FOXO1: variants seen among roughly 807,000 people sequenced by gnomAD.
FOXO1 encodes the protein forkhead box O1, also known as forkhead box protein O1.
In FOXO1, 6 loss-of-function variants were observed where a neutral mutation model predicts 44.1. That is an observed-to-expected ratio of 0.14 (90% CI 0.07 to 0.27). The LOEUF is 0.27. Among genes scored for constraint, FOXO1 ranks in the 10% least tolerant of loss-of-function variants. The probability of loss-of-function intolerance (pLI) is 1.00; values close to 1 mark genes in which losing one functional copy is unlikely to be tolerated. For missense variants in FOXO1, 737 were observed against 888.8 expected (o/e 0.83, Z 2.17); for synonymous variants, 380 against 362.7 (o/e 1.05, Z -0.54).
chr13:40,658,144 T>C (rs1437274103), intron 1 of FOXO1, among the ~76,000 whole-genome samples: 2 of 152,118 alleles, frequency 1.3e-5, no homozygotes, highest in African/African-American at 2.4e-5. Context: ...AGATTGGAAG[T>C]TGGTGAACTG....
intron 1 of FOXO1, chr13:40,562,724 G>A (rs940403726): frequency 2.0e-5 from 3 of 152,406 alleles, no homozygotes; most frequent in Admixed American, 6.5e-5. Flanking sequence ...GGGGCCAGAG[G>A]TGGTCTCTCC....
chr13:40,631,194 T>C (rs1321484579), intron 1 of FOXO1, among the ~76,000 whole-genome samples: 1 of 152,124 alleles, frequency 6.6e-6, no homozygotes, highest in African/African-American at 2.4e-5. Context: ...CTGCGAAAAG[T>C]ATTTATGCTG....
In FOXO1 at chr13:40,665,592, C is replaced by T. The variant is rs1878204658; in HGVS notation, c.621G>A (p.Ala207=). 3 of 1,429,842 alleles carry T rather than the reference C, an allele frequency of 2.1e-6. No homozygotes were observed. Among genetic ancestry groups the T allele is most frequent in the Admixed American group, 2.3e-5 (1 of 43,310 alleles). 88.6% of individuals were successfully genotyped at this position (1,429,842 alleles called of 1,614,324 possible). Residue 207 remains alanine, a synonymous_variant, in exon 1 of 3, where the codon GCG becomes GCA. Coordinates refer to ENST00000379561, the MANE Select transcript of FOXO1 (RefSeq NM_002015.4). The part of the protein sequence containing the change: ...FKDKGDSNSS[A]GWKNSIRHNL... ...CGCCGAGTCCACTCACCTTCCAGCC[C>T]GCCGAGCTGTTGCTGTCACCCTTAT...
At chr13:40,577,910 A>C (rs75176161) in intron 1 of FOXO1, among the ~76,000 whole-genome samples, 1 of 152,290 alleles carries the variant, frequency 6.6e-6, no homozygotes, top group East Asian at 1.9e-4. Context: ...TCAATGCAAA[A>C]TAATTTATCC....
intron 1 of FOXO1, among the ~76,000 whole-genome samples, chr13:40,659,616 T>A (rs1331335478): frequency 6.6e-6 from 1 of 151,866 alleles, no homozygotes; most frequent in Admixed American, 6.6e-5. Flanking sequence ...TGACTTAATA[T>A]CAAAACTAAC....
At position 40,665,752 on chromosome 13, in the gene FOXO1, G is replaced by A. The variant is rs1290398156; in HGVS notation, c.461C>T (p.Ser154Leu). 3 of 1,409,148 alleles carry A rather than the reference G, an allele frequency of 2.1e-6. No individual in the cohort carries two copies. Among genetic ancestry groups the A allele is most frequent in the Admixed American group, 2.4e-5 (1 of 41,766 alleles). 87.3% of individuals were successfully genotyped at this position (1,409,148 alleles called of 1,614,324 possible). ...GTTGCCCCACGCGTTGCGGCGGGAC[G>A]AGCTGCTCTTGCGCGGCTGCCCCGC... ...PLAGQPRKSS[S>L]SRRNAWGNLS... The change falls in exon 1 of 3, where the codon TCG becomes TTG. Residue 154 changes from serine to leucine, a missense_variant. Ser to Leu is a moderately radical substitution (Grantham distance 145, BLOSUM62 -2). Around this residue, in one of 7 missense-constraint regions of FOXO1, gnomAD observed 213 missense variants for 236.4 expected, o/e 0.90. Coordinates refer to ENST00000379561, the MANE Select transcript of FOXO1 (RefSeq NM_002015.4).
At chr13:40,651,201 A>C (rs1877676554) in intron 1 of FOXO1, among the ~76,000 whole-genome samples, 2 of 151,818 alleles carry the variant, frequency 1.3e-5, no homozygotes, top group Admixed American at 1.3e-4. Context: ...AGCCTTGCGA[A>C]TAGACAAGAC....
chr13:40,600,300 C>A (rs55733884), intron 1 of FOXO1, among the ~76,000 whole-genome samples: 9 of 152,198 alleles, frequency 5.9e-5, no homozygotes, highest in Non-Finnish European at 1.3e-4. Context: ...GGAATTAAAT[C>A]GGCCTCCAGA....
At chr13:40,641,585 T>C (rs1420935835) in intron 1 of FOXO1, among the ~76,000 whole-genome samples, 1 of 152,180 alleles carries the variant, frequency 6.6e-6, no homozygotes, top group Non-Finnish European at 1.5e-5. Context: ...CTTTAGTATT[T>C]CCAGTTTCAA....
intron 1 of FOXO1, among the ~76,000 whole-genome samples, chr13:40,630,664 G>A (rs1319325648): frequency 1.3e-5 from 2 of 150,426 alleles, no homozygotes; most frequent in African/African-American, 4.9e-5. Context: ...AAAAAAAAAA[G>A]GAAAAACCAG....
At chr13:40,663,346 T>C (rs995275163) in intron 1 of FOXO1, among the ~76,000 whole-genome samples, 1 of 152,272 alleles carries the variant, frequency 6.6e-6, no homozygotes, top group Non-Finnish European at 1.5e-5. Context: ...AGCATATTCC[T>C]AGTTTAAGAC....
At chr13:40,597,234 G>A (rs1400040361) in intron 1 of FOXO1, among the ~76,000 whole-genome samples, 1 of 152,166 alleles carries the variant, frequency 6.6e-6, no homozygotes, top group Non-Finnish European at 1.5e-5. Context: ...CATAACCCCA[G>A]AATGTATTAG....
intron 1 of FOXO1, among the ~76,000 whole-genome samples, chr13:40,596,861 C>A (rs1486994382): frequency 6.6e-6 from 1 of 152,196 alleles, no homozygotes; most frequent in African/African-American, 2.4e-5. Context: ...CCATTCTCTC[C>A]ACTGTCCCCA....
At chr13:40,573,886 G>C (rs1427095548) in intron 1 of FOXO1, among the ~76,000 whole-genome samples, 1 of 152,208 alleles carries the variant, frequency 6.6e-6, no homozygotes, top group African/African-American at 2.4e-5. Context: ...CAGAAGGAAT[G>C]AATGATTAAA....
In FOXO1 at chr13:40,559,700, C is replaced by A. The variant is rs773141065; in HGVS notation, c.1791G>T (p.Lys597Asn). The A allele has an allele frequency of 1.2e-6, 2 of 1,614,170 alleles. No individual in the cohort carries two copies. The highest frequency in any genetic ancestry group is 2.2e-5 in the South Asian group (2 of 91,076). The change falls in exon 2 of 3, where the codon AAG (lysine) becomes AAT (asparagine). Residue 597 changes from lysine to asparagine, a missense_variant. Lys to Asn is a moderately conservative substitution (Grantham distance 94). Around this residue, in one of 7 missense-constraint regions of FOXO1, gnomAD observed 45 missense variants for 78.3 expected, o/e 0.57. Transcript: ENST00000379561. Reference protein sequence around the residue: ...YGRMGLLHQEKLPSDLDGMFI... With the variant: ...YGRMGLLHQENLPSDLDGMFI... ...ACATGCCATCCAAGTCACTTGGGAGCTTCTCCTGGTGGAGAAGGCCCATTC... is the reference window on the plus strand; with the variant it reads ...ACATGCCATCCAAGTCACTTGGGAGATTCTCCTGGTGGAGAAGGCCCATTC...
intron 1 of FOXO1, among the ~76,000 whole-genome samples, chr13:40,663,587 G>A (rs1878117271): frequency 6.6e-6 from 1 of 152,166 alleles, no homozygotes; most frequent in Non-Finnish European, 1.5e-5. Context: ...AGATGAGCAA[G>A]TAAGTCAAGT....
intron 1 of FOXO1, among the ~76,000 whole-genome samples, chr13:40,595,310 G>A (rs1356844151): frequency 6.6e-6 from 1 of 152,114 alleles, no homozygotes; most frequent in Non-Finnish European, 1.5e-5. Flanking sequence ...AAGTTGGAGG[G>A]GGACTGAGTA....
intron 1 of FOXO1, among the ~76,000 whole-genome samples, chr13:40,656,546 T>C (rs2137939896): frequency 6.6e-6 from 1 of 152,354 alleles, no homozygotes; most frequent in African/African-American, 2.4e-5. Flanking sequence ...AATTACATAA[T>C]CTGTTCTATG....
chr13:40,626,984 T>C (rs1293432967), intron 1 of FOXO1, among the ~76,000 whole-genome samples: 1 of 152,248 alleles, frequency 6.6e-6, no homozygotes, highest in Non-Finnish European at 1.5e-5. Flanking sequence ...AAGAAATGTA[T>C]GCATAACAAT....
Sources: allele counts gnomAD v4.1 joint callset (sites outside exome capture counted in the v4.1 genomes callset), GRCh38; gene constraint gnomAD v4.1.1; regional missense constraint gnomAD v4.1.1; transcripts MANE v1.5; gene names NCBI Gene and HGNC (gene_info 2026-07-23, HGNC 2026-07-21).